Variants in USP54 observed in about 807,000 individuals in gnomAD.
USP54 encodes ubiquitin specific peptidase 54.
In USP54, 87 loss-of-function variants were observed where a neutral mutation model predicts 170.5. The observed-to-expected ratio is 0.51, with a 90% CI of 0.43 to 0.61. The LOEUF (loss-of-function observed/expected upper bound fraction) is 0.61, where lower values mean the gene tolerates loss of function less well. USP54 is among the 20% of genes least tolerant of loss of function. USP54 has a pLI of 0.00. For missense variants in USP54, 1,786 were observed against 2,047.8 expected (o/e 0.87, Z 2.47); for synonymous variants, 655 against 742.8 (o/e 0.88, Z 1.92).
rs867692250 is a variant in USP54 at position 73,510,205 on chromosome 10, C to T, written c.4052-4779G>A. On this transcript the variant is annotated intron_variant, in intron 20 of 23. Transcript: ENST00000687698. ...CAAAAATTAGCCTGGCATGGTGGCA[C>T]GTGCCTGTAGTCCCAGCTACTTGGG... Among the ~76,000 whole-genome samples, 11 of 151,420 alleles carry T rather than the reference C, an allele frequency of 7.3e-5. No individual in the cohort carries two copies. The South Asian group carries it at 8.4e-4, about 12-fold the overall frequency.
At chr10:73,507,666 T>C (rs1417377318) in intron 20 of USP54, among the ~76,000 whole-genome samples, 1 of 95,670 alleles carries the variant, frequency 1.0e-5, no homozygotes, top group Non-Finnish European at 1.9e-5. Flanking sequence ...AGAGACTCCG[T>C]CGCAAAAAAA....
At chr10:73,555,730 A>G (rs1398205422) in intron 4 of USP54, among the ~76,000 whole-genome samples, 1 of 152,160 alleles carries the variant, frequency 6.6e-6, no homozygotes, top group Non-Finnish European at 1.5e-5. Flanking sequence ...ATACATAACC[A>G]CTTACCCCAC....
At chr10:73,623,283 G>A (rs2081236962) in intron 1 of USP54, among the ~76,000 whole-genome samples, 1 of 152,130 alleles carries the variant, frequency 6.6e-6, no homozygotes, top group African/African-American at 2.4e-5. Context: ...CTACTCAGGA[G>A]GCTGAGGTGG....
intron 1 of USP54, among the ~76,000 whole-genome samples, chr10:73,599,726 A>G (rs2079014851): frequency 6.6e-6 from 1 of 151,638 alleles, no homozygotes; most frequent in African/African-American, 2.4e-5. Context: ...GCTGCTAATA[A>G]TAATCTATAT....
chr10:73,578,368 G>C (rs1225527812), intron 1 of USP54, among the ~76,000 whole-genome samples: 1 of 152,138 alleles, frequency 6.6e-6, no homozygotes, highest in Non-Finnish European at 1.5e-5. Flanking sequence ...AGTTTTATCT[G>C]TATGGCTCTC....
rs752617303 is a variant in USP54 at position 73,571,532 on chromosome 10, T to G, written c.148-19A>C. The G allele has an allele frequency of 2.6e-5, 42 of 1,591,894 alleles. No homozygotes were observed. Among genetic ancestry groups the G allele is most frequent in the South Asian group, 2.0e-4 (18 of 90,234 alleles). On this transcript the variant is annotated intron_variant, in intron 3 of 23. Transcript: ENST00000687698. ...ACAAAACCTGATGAGAAAAGGAAAA[T>G]ATTTCATTACTCTATAAAAAGCTAC...
chr10:73,557,265 G>A (rs188761875), intron 4 of USP54, among the ~76,000 whole-genome samples: 3 of 151,960 alleles, frequency 2.0e-5, no homozygotes, highest in Non-Finnish European at 2.9e-5. Context: ...TTAGTGATAT[G>A]AGATAGAATA....
chr10:73,580,812 C>T (rs562942987), intron 1 of USP54, among the ~76,000 whole-genome samples: 52 of 152,254 alleles, frequency 3.4e-4, no homozygotes, highest in Admixed American at 1.9e-3. Context: ...CTCCTGACTT[C>T]AGGTGATCCT....
intron 12 of USP54, 39 bp downstream of exon 12, chr10:73,534,561 T>C (rs2064833735): frequency 1.2e-6 from 2 of 1,600,166 alleles, no homozygotes. Context: ...TATGCAGGAA[T>C]TGATTCAGGC....
chr10:73,567,613 A>C (rs962574776), intron 4 of USP54, among the ~76,000 whole-genome samples: 5 of 152,208 alleles, frequency 3.3e-5, no homozygotes, highest in Admixed American at 3.3e-4. Context: ...CAGAGGTTGC[A>C]GTGAGCTGAG....
At chr10:73,510,486 T>C (rs2060030242) in intron 20 of USP54, among the ~76,000 whole-genome samples, 1 of 150,994 alleles carries the variant, frequency 6.6e-6, no homozygotes, top group African/African-American at 2.4e-5. Flanking sequence ...AGTTTTGCTC[T>C]TGTTGCCCAG....
intron 1 of USP54, among the ~76,000 whole-genome samples, chr10:73,608,679 T>C (rs1448765593): frequency 1.3e-5 from 2 of 152,160 alleles, no homozygotes; most frequent in Non-Finnish European, 2.9e-5. Flanking sequence ...GCAGATCATT[T>C]GAGCCCAGGA....
intron 1 of USP54, among the ~76,000 whole-genome samples, chr10:73,607,246 A>G (rs2079725735): frequency 6.6e-6 from 1 of 151,430 alleles, no homozygotes; most frequent in Admixed American, 6.6e-5. Flanking sequence ...GCAGTGAGCC[A>G]TAATCCTGCC....
At chr10:73,566,066 A>C (rs1470549149) in intron 4 of USP54, among the ~76,000 whole-genome samples, 1 of 152,118 alleles carries the variant, frequency 6.6e-6, no homozygotes, top group East Asian at 1.9e-4. Context: ...CCCTGTCTCT[A>C]CTAAAAATAC....
intron 1 of USP54, among the ~76,000 whole-genome samples, chr10:73,618,813 G>A (rs1273382430): frequency 6.7e-6 from 1 of 149,720 alleles, no homozygotes; most frequent in Non-Finnish European, 1.5e-5. Context: ...TCAGGAGGCT[G>A]AGGCAGGAGA....
chr10:73,498,718 T>C lies in USP54; in HGVS notation c.4966A>G (p.Thr1656Ala). The change falls in exon 24 of 24, where the codon ACA becomes GCA. Residue 1656 changes from threonine (T) to alanine (A), a missense_variant. Around this residue, in one of 3 missense-constraint regions of USP54, gnomAD observed 1,418 missense variants for 1,569.0 expected, o/e 0.90. Transcript: ENST00000687698. The stretch of plus-strand genomic sequence containing the variant: ...ACAAACAGAAACCCCTCTCCCACTG[T>C]TCTCCTGTGTCCAGAGTGGGAGGCA... The part of the protein sequence containing the change: ...SYASHSGHRR[T>A]VGEGFLFVLS... 4 of 1,613,230 alleles carry C rather than the reference T, an allele frequency of 2.5e-6. No individual in the cohort carries two copies. Among genetic ancestry groups the C allele is most frequent in the Non-Finnish European group, 3.4e-6 (4 of 1,179,480 alleles).
At chr10:73,505,054 A>C in intron 21 of USP54, 64 bp from the exon 22 acceptor site, 1 of 1,604,454 alleles carries the variant, frequency 6.2e-7, no homozygotes, top group Admixed American at 1.7e-5. Context: ...TCCCACAGAC[A>C]GTATCCTCAG....
chr10:73,598,323 G>A (rs1002483459), intron 1 of USP54, among the ~76,000 whole-genome samples: 5 of 152,116 alleles, frequency 3.3e-5, no homozygotes, highest in Admixed American at 2.0e-4. Flanking sequence ...CACACCATAT[G>A]CAAAAATTAA....
chr10:73,600,869 G>A lies in USP54; in HGVS notation c.-18+24698C>T, dbSNP rs532210586. 2.1e-3 allele frequency among the ~76,000 whole-genome samples: 312 copies of A among 152,158 alleles called. 2 individuals carry two copies. Among genetic ancestry groups the A allele is most frequent in the African/African-American group, 7.1e-3 (293 of 41,536 alleles). On this transcript the variant is annotated intron_variant, in intron 1 of 22. Coordinates refer to the USP54 transcript ENST00000339859. Reference sequence around the variant, plus strand: ...GCGGAGGTTGCAGTGAGCCGGGATCGCGCCACTGCACTCCAGCCTGGGTGA... The same window carrying A: ...GCGGAGGTTGCAGTGAGCCGGGATCACGCCACTGCACTCCAGCCTGGGTGA...
Sources: allele counts gnomAD v4.1 joint callset (sites outside exome capture counted in the v4.1 genomes callset), GRCh38; gene constraint gnomAD v4.1.1; regional missense constraint gnomAD v4.1.1; transcripts MANE v1.5; gene names NCBI Gene and HGNC (gene_info 2026-07-23, HGNC 2026-07-21).